The following PLXNB3 variants were observed in gnomAD, a reference collection of about 807,000 sequenced individuals.
PLXNB3 encodes the protein plexin-B3.
Under a neutral mutation model 125.7 loss-of-function variants are expected in PLXNB3, and 80 were observed. That is an observed-to-expected ratio of 0.64 (90% CI 0.53 to 0.77). The LOEUF (loss-of-function observed/expected upper bound fraction) is 0.77. PLXNB3 is among the 30% of genes least tolerant of loss of function. The pLI is 0.00. For missense variants in PLXNB3, 1,836 were observed against 1,729.3 expected (o/e 1.06, Z -1.09); for synonymous variants, 954 against 783.3 (o/e 1.22, Z -3.64).
At chrX:153,768,061 A>C (rs924339885) in intron 3 of PLXNB3, 148 bp downstream of exon 3, 43 of 774,705 alleles carry the variant, frequency 5.6e-5, no homozygotes, top group Non-Finnish European at 7.4e-5. Context: ...CTCTCCACCC[A>C]TTTCTTTCCA....
chrX:153,766,539 G>T, intron 2 of PLXNB3: 2 of 1,034,129 alleles, frequency 1.9e-6, no homozygotes, highest in South Asian at 3.1e-5. Flanking sequence ...GCGCTCTTGC[G>T]GCTTTCCAGG....
In PLXNB3 at chrX:153,779,258, T is replaced by A. The variant is rs1264084533; in HGVS notation, c.*219T>A. 3.9e-6 allele frequency: 1 copy of A among 259,479 alleles called. No homozygotes were observed. The highest frequency in any genetic ancestry group is 6.3e-6 in the Non-Finnish European group (1 of 157,586). The allele number at this position is 259,479 out of a possible 1,213,427, so 21.4% of individuals were successfully genotyped here. A position where few individuals can be genotyped will look rare whatever the true frequency, so the allele number is the denominator to read the frequency against. ...TGTTTCTAATTTATAAGGATCCCCC[T>A]CCTTCCCCCTCTCCCCATTGTATTT... On this transcript the variant is annotated 3_prime_UTR_variant, in exon 36 of 36. Transcript: ENST00000361971.
In PLXNB3 at chrX:153,771,307, C is replaced by G. The variant is rs782725187; in HGVS notation, c.2254-3C>G. ...CCAGCCTGACCCCACACTCTGCCCACAGTTTTATCCCTCCATGTCCCAGCG... is the reference window on the plus strand; with the variant it reads ...CCAGCCTGACCCCACACTCTGCCCAGAGTTTTATCCCTCCATGTCCCAGCG... On this transcript the variant is annotated splice_region_variant and splice_polypyrimidine_tract_variant and intron_variant, in intron 12 of 35. Transcript: ENST00000361971. 2 of 1,203,616 alleles carry G rather than the reference C, an allele frequency of 1.7e-6. No individual in the cohort carries two copies. The highest frequency in any genetic ancestry group is 2.3e-6 in the Non-Finnish European group (2 of 888,362).
Position 153,765,370 on chromosome X carries a change from G to A in PLXNB3, c.-65-101G>A, listed in dbSNP as rs1557058777. On this transcript the variant is annotated intron_variant, in intron 1 of 35. Transcript: ENST00000361971. ...ATTGACAAAGCTGCCAGCTGTGAGG[G>A]AGCCCGGTCGCTAGGCCCTGGGCGC... 10 of 586,946 alleles carry A rather than the reference G, an allele frequency of 1.7e-5. No individual in the cohort carries two copies. In the Admixed American group the frequency reaches 3.0e-4, roughly 17 times the overall value. The allele number at this position is 586,946 out of a possible 1,213,427, so 48.4% of individuals were successfully genotyped here. A position where few individuals can be genotyped will look rare whatever the true frequency, so the allele number is the denominator to read the frequency against.
Position 153,773,656 on chromosome X carries a change from T to C in PLXNB3, c.3222T>C (p.Cys1074=), listed in dbSNP as rs1414021668. ...QPQDPQPRRS[C]GAPAADPQAC... is the part of the protein sequence containing the mutation. ...AGGACCCACAGCCAAGGAGGAGCTG[T>C]GGAGCCCCTGCTGCGGACCCCCAGG... is the stretch of plus-strand genomic sequence containing the variant. Residue 1074 remains cysteine, a synonymous_variant, in exon 19 of 36, where the codon TGT becomes TGC. Coordinates refer to ENST00000361971, the MANE Select transcript of PLXNB3 (RefSeq NM_005393.3). 3.8e-5 allele frequency: 45 copies of C among 1,183,268 alleles called. No individual in the cohort carries two copies. The highest frequency in any genetic ancestry group is 5.0e-5 in the Non-Finnish European group (44 of 882,369).
Position 153,771,634 on chromosome X carries a change from T to C in PLXNB3, c.2496T>C (p.Cys832=). Residue 832 remains cysteine (C), a synonymous_variant, in exon 14 of 36, where the codon TGT becomes TGC. Transcript: ENST00000361971. ...CGCCGGGGGCTGTGGAGCTGCTGTG[T>C]CCTGCGCCCAGCATTGATGCAGTGA... ...LCPPGAVELL[C]PAPSIDAVEP... The C allele has an allele frequency of 8.4e-7, 1 of 1,193,149 alleles. No homozygotes were observed. The highest frequency in any genetic ancestry group is 1.1e-6 in the Non-Finnish European group (1 of 888,179).
At position 153,770,244 on chromosome X, in the gene PLXNB3, C is replaced by T. The variant is rs1372255568; in HGVS notation, c.1782C>T (p.Gly594=). The T allele has an allele frequency of 1.7e-6, 2 of 1,210,563 alleles. No individual in the cohort carries two copies. Among genetic ancestry groups the T allele is most frequent in the South Asian group, 1.8e-5 (1 of 56,940 alleles). The part of the protein sequence containing the change: ...PQDQVPLNPP[G]TDHVTVPLAL... ...ACCAGGTGCCACTTAACCCTCCAGG[C>T]ACAGGTGAGTGGCCCATGGGGTAGG... is the stretch of plus-strand genomic sequence containing the variant. Residue 594 remains glycine, a synonymous_variant, in exon 8 of 36, where the codon GGC becomes GGT. Coordinates refer to ENST00000361971, the MANE Select transcript of PLXNB3 (RefSeq NM_005393.3).
chrX:153,778,420 C>A lies in PLXNB3; in HGVS notation c.5499C>A (p.Ser1833Arg). The A allele has an allele frequency of 8.3e-7, 1 of 1,211,351 alleles. No homozygotes were observed. The highest frequency in any genetic ancestry group is 2.2e-5 in the Admixed American group (1 of 46,099). ...VERYYADIRQ[S>R]SPASYQEMNS... The stretch of plus-strand genomic sequence containing the variant: ...GGTACTATGCGGACATTCGCCAGAG[C>A]TCTCCGGCGAGCTACCAGGAGATGA... Residue 1833 changes from serine to arginine, a missense_variant, in exon 34 of 36, where the codon AGC (serine) becomes AGA (arginine). By Grantham distance (110) the Ser-to-Arg change is moderately radical. Coordinates refer to ENST00000361971, the MANE Select transcript of PLXNB3 (RefSeq NM_005393.3).
rs1289354727 is a variant in PLXNB3, at chrX:153,768,835, G to A, written c.1267-113G>A. On this transcript the variant is annotated intron_variant, in intron 4 of 35. Transcript: ENST00000361971. ...GTGATGTGTCCTCCCTCGATGGCCC[G>A]GCAGGAAGGGGAACTGGCTCTAAAA... The A allele has an allele frequency of 7.8e-6, 7 of 895,168 alleles. No individual in the cohort carries two copies. The Admixed American group carries it at 8.4e-5, about 11-fold the overall frequency. The allele number at this position is 895,168 out of a possible 1,213,427, so 73.8% of individuals were successfully genotyped here.
rs1449124179 is a variant in PLXNB3 at position 153,779,097 on chromosome X, C to A, written c.*58C>A. ...CCAACACCGCAGCGCCTTATGACCC[C>A]GGAACCGAGCCAGCCACTGAGGGGA... is the stretch of plus-strand genomic sequence containing the variant. On this transcript the variant is annotated 3_prime_UTR_variant, in exon 36 of 36. Coordinates refer to ENST00000361971, the MANE Select transcript of PLXNB3 (RefSeq NM_005393.3). 1.2e-6 allele frequency: 1 copy of A among 855,055 alleles called. No individual in the cohort carries two copies. The highest frequency in any genetic ancestry group is 1.6e-6 in the Non-Finnish European group (1 of 621,890). 70.5% of individuals were successfully genotyped at this position (855,055 alleles called of 1,213,427 possible).
chrX:153,768,822 C>T (rs2091889587), intron 4 of PLXNB3, 126 bp from the exon 5 acceptor site: 11 of 780,739 alleles, frequency 1.4e-5, no homozygotes, highest in Non-Finnish European at 2.1e-5. Context: ...GATGTGTCCT[C>T]CCTCGATGGC....
At chrX:153,765,356 T>G in intron 1 of PLXNB3, 115 bp from the exon 2 acceptor site, 1 of 524,389 alleles carries the variant, frequency 1.9e-6, no homozygotes, top group Non-Finnish European at 3.2e-6. Context: ...TTGACAAAGC[T>G]GCCAGCTGTG....
chrX:153,767,310 G>A lies in PLXNB3; in HGVS notation c.483G>A (p.Gly161=), dbSNP rs782414100. Reference sequence around the variant, plus strand: ...ACCAGGCTGAGGACCCTGGTGACGGGCAGTTTGTGGCTGCCAATACCCCGG... The same window carrying A: ...ACCAGGCTGAGGACCCTGGTGACGGACAGTTTGTGGCTGCCAATACCCCGG... ...VLYQAEDPGD[G]QFVAANTPGV... The change falls in exon 3 of 36, where the codon GGG becomes GGA. Residue 161 remains glycine, a synonymous_variant. Transcript: ENST00000361971. 6.6e-6 allele frequency: 8 copies of A among 1,204,397 alleles called. No individual in the cohort carries two copies. The African/African-American group carries it at 1.4e-4, about 21-fold the overall frequency.
chrX:153,766,925 T>G lies in PLXNB3; in HGVS notation c.98T>G (p.Leu33Arg). The G allele has an allele frequency of 8.3e-7, 1 of 1,209,509 alleles. No homozygotes were observed. Among genetic ancestry groups the G allele is most frequent in the South Asian group, 1.8e-5 (1 of 56,866 alleles). ...TTCGGCCTCTGCCTCCTCCTGCTGC[T>G]GCTGTCCCCACCGCCACTGCCCTTG... The part of the protein sequence containing the change: ...PPFGLCLLLL[L>R]LSPPPLPLTG... The change falls in exon 3 of 36, where the codon CTG becomes CGG. Residue 33 changes from leucine (L) to arginine (R), a missense_variant. By Grantham distance (102) the Leu-to-Arg change is moderately radical. Coordinates refer to ENST00000361971, the MANE Select transcript of PLXNB3 (RefSeq NM_005393.3).
intron 6 of PLXNB3, 100 bp downstream of exon 6, chrX:153,769,362 C>T: frequency 1.5e-6 from 1 of 653,766 alleles, no homozygotes. Context: ...GCCAACCCTG[C>T]CTGTTGGAGA....
chrX:153,774,268 C>T lies in PLXNB3; in HGVS notation c.3602C>T (p.Thr1201Met). ...GGCGAGTGCCTGGTGAAGACGCTCA[C>T]GCGCACCCACCTGTACTGCGAGCCG... ...GRGECLVKTLTRTHLYCEPPA... is the reference protein window; with the variant it reads ...GRGECLVKTLMRTHLYCEPPA... Residue 1201 changes from threonine to methionine, a missense_variant, in exon 21 of 36, where the codon ACG (threonine) becomes ATG (methionine). Physicochemically the swap from Thr to Met is moderately conservative, Grantham distance 81. Transcript: ENST00000361971. 3.4e-6 allele frequency: 4 copies of T among 1,179,945 alleles called. No homozygotes were observed. Among genetic ancestry groups the T allele is most frequent in the Non-Finnish European group, 3.4e-6 (3 of 884,017 alleles).
rs782080603 is a variant in PLXNB3, at chrX:153,771,510, G to A, written c.2372G>A (p.Gly791Asp). 2.9e-5 allele frequency: 35 copies of A among 1,204,358 alleles called. No homozygotes were observed. Among genetic ancestry groups the A allele is most frequent in the Admixed American group, 4.4e-5 (2 of 45,698 alleles). Residue 791 changes from glycine to aspartate, a missense_variant, in exon 14 of 36, where the codon GGC becomes GAC. By Grantham distance (94) the Gly-to-Asp change is moderately conservative. Transcript: ENST00000361971. Reference sequence around the variant, plus strand: ...GTGATCCTGTACGACTGCGCCATGGGCCACCCGGACTGCAGCCACTGCCAA... The same window carrying A: ...GTGATCCTGTACGACTGCGCCATGGACCACCCGGACTGCAGCCACTGCCAA... The part of the protein sequence containing the change: ...LYVILYDCAM[G>D]HPDCSHCQAA...
chrX:153,773,040 C>T (rs368621997), intron 17 of PLXNB3, 24 bp downstream of exon 17: 107 of 1,151,050 alleles, frequency 9.3e-5, no homozygotes, highest in Non-Finnish European at 1.2e-4. Context: ...TGGCTGCCGT[C>T]GGGTGGTGGG....
rs369592915 is a variant in PLXNB3 at position 153,774,821 on chromosome X, G to A, written c.3931+15G>A. The A allele has an allele frequency of 5.9e-4, 716 of 1,208,195 alleles. 3 individuals are homozygous for A. The highest frequency in any genetic ancestry group is 3.5e-3 in the African/African-American group (203 of 57,656). On this transcript the variant is annotated intron_variant, in intron 23 of 35. Transcript: ENST00000361971. ...GGAGTTCACAGGTGGGTGCGGAGGC[G>A]GGGGGACAGGGTACCCACGAGGCCT...
Sources: allele counts gnomAD v4.1 joint callset, GRCh38; gene constraint gnomAD v4.1.1; transcripts MANE v1.5; gene names NCBI Gene and HGNC (gene_info 2026-07-23, HGNC 2026-07-21).